Variants in KCNH1 observed in about 807,000 individuals in gnomAD.
The protein encoded by KCNH1 is potassium voltage-gated channel subfamily H member 1, also known as voltage-gated delayed rectifier potassium channel KCNH1.
In KCNH1, 27 loss-of-function variants were observed where a neutral mutation model predicts 69.2. That is an observed-to-expected ratio of 0.39 (90% CI 0.29 to 0.54). The LOEUF (loss-of-function observed/expected upper bound fraction) is 0.54. Ranked by LOEUF, KCNH1 falls within the 20% of genes least tolerant of loss-of-function variation. The pLI, the probability that KCNH1 is intolerant of heterozygous loss-of-function variation, is 0.68. For synonymous variants in KCNH1, 456 were observed against 487.7 expected (o/e 0.93, Z 0.86); for missense variants, 798 against 1,261.6 (o/e 0.63, Z 5.57).
chr1:210,975,523 G>A (rs139008462), intron 6 of KCNH1, among the ~76,000 whole-genome samples: 1,660 of 152,278 alleles, frequency 0.011, 35 homozygotes, highest in African/African-American at 0.038. Context: ...TTAATAAATG[G>A]TGATGGGGAA....
At chr1:210,707,706 A>G (rs1186882415) in intron 10 of KCNH1, among the ~76,000 whole-genome samples, 1 of 152,080 alleles carries the variant, frequency 6.6e-6, no homozygotes, top group Non-Finnish European at 1.5e-5. Context: ...CTGCAGGAGC[A>G]TTTTCTAAAA....
intron 10 of KCNH1, among the ~76,000 whole-genome samples, chr1:210,751,029 G>T (rs1235444458): frequency 6.6e-6 from 1 of 152,210 alleles, no homozygotes; most frequent in African/African-American, 2.4e-5. Flanking sequence ...TCCAGAGGAA[G>T]AATAATGGAC....
intron 6 of KCNH1, among the ~76,000 whole-genome samples, chr1:210,930,879 T>C (rs1687668071): frequency 6.6e-6 from 1 of 152,168 alleles, no homozygotes; most frequent in South Asian, 2.1e-4. Flanking sequence ...AGGACATGAA[T>C]AGACAATTCT....
At chr1:211,047,015 T>G (rs528751340) in intron 5 of KCNH1, among the ~76,000 whole-genome samples, 1 of 152,304 alleles carries the variant, frequency 6.6e-6, no homozygotes, top group South Asian at 2.1e-4. Flanking sequence ...ATCCAATAAT[T>G]TAATGTAATA....
intron 10 of KCNH1, among the ~76,000 whole-genome samples, chr1:210,764,941 A>G (rs924341203): frequency 5.9e-5 from 9 of 152,358 alleles, no homozygotes; most frequent in African/African-American, 2.2e-4. Context: ...TCACAATAGC[A>G]AAGACATGGA....
Position 210,953,200 on chromosome 1 carries a change from T to G in KCNH1, c.1033-33131A>C, listed in dbSNP as rs191824415. Among the ~76,000 whole-genome samples, 432 of 152,328 alleles carry G rather than the reference T, an allele frequency of 2.8e-3. 4 individuals are homozygous for G. Among genetic ancestry groups the G allele is most frequent in the Admixed American group, 0.025 (386 of 15,308 alleles). Reference sequence around the variant, plus strand: ...AAGGCTAAGCCCTCCAGCTCTGCTCTGGATTCCCTATCTTAAGGAACTCTA... The same window carrying G: ...AAGGCTAAGCCCTCCAGCTCTGCTCGGGATTCCCTATCTTAAGGAACTCTA... On this transcript the variant is annotated intron_variant, in intron 6 of 10. Coordinates refer to ENST00000271751, the MANE Select transcript of KCNH1 (RefSeq NM_172362.3).
At chr1:210,891,180 C>A (rs1319285682) in intron 7 of KCNH1, among the ~76,000 whole-genome samples, 1 of 152,126 alleles carries the variant, frequency 6.6e-6, no homozygotes, top group Admixed American at 6.6e-5. Context: ...GAAAATGTGG[C>A]ACATATACAC....
At chr1:210,946,632 C>G (rs1425602012) in intron 6 of KCNH1, among the ~76,000 whole-genome samples, 2 of 152,130 alleles carry the variant, frequency 1.3e-5, no homozygotes, top group African/African-American at 4.8e-5. Context: ...TATTCTACAC[C>G]TGCACTATTC....
In KCNH1 at chr1:211,079,325, A is replaced by G. The variant is rs139162482; in HGVS notation, c.558+3455T>C. ...GGATCTGAAATTGAGGCAATAATTAATAGCCTACCAACCAAAAAAACTCCA... is the reference window on the plus strand; with the variant it reads ...GGATCTGAAATTGAGGCAATAATTAGTAGCCTACCAACCAAAAAAACTCCA... On this transcript the variant is annotated intron_variant, in intron 5 of 10. Coordinates refer to ENST00000271751, the MANE Select transcript of KCNH1 (RefSeq NM_172362.3). 6.6e-3 allele frequency among the ~76,000 whole-genome samples: 999 copies of G among 152,332 alleles called. 5 individuals are homozygous for G. The highest frequency in any genetic ancestry group is 0.023 in the African/African-American group (949 of 41,580).
chr1:210,791,828 T>A (rs114610829), intron 9 of KCNH1, among the ~76,000 whole-genome samples: 136 of 152,176 alleles, frequency 8.9e-4, no homozygotes, highest in African/African-American at 3.1e-3. Context: ...CCAAATAAGG[T>A]CAATGAACAC....
intron 7 of KCNH1, chr1:210,859,093 A>T: frequency 1.2e-6 from 1 of 851,384 alleles, no homozygotes; most frequent in South Asian, 1.4e-5. Context: ...AGAATAGATA[A>T]CATGAACCAG....
At chr1:211,101,845 T>C (rs1309117844) in intron 3 of KCNH1, among the ~76,000 whole-genome samples, 2 of 152,222 alleles carry the variant, frequency 1.3e-5, no homozygotes, top group South Asian at 2.1e-4. Context: ...ACAAAGCTTA[T>C]TTTCTAAAGG....
intron 9 of KCNH1, among the ~76,000 whole-genome samples, chr1:210,784,756 C>T (rs1206207231): frequency 6.6e-6 from 1 of 152,116 alleles, no homozygotes; most frequent in Non-Finnish European, 1.5e-5. Context: ...TTATGCTCTT[C>T]TGCATACCAT....
At chr1:210,918,391 C>T (rs1687390628) in intron 7 of KCNH1, among the ~76,000 whole-genome samples, 1 of 152,224 alleles carries the variant, frequency 6.6e-6, no homozygotes, top group Admixed American at 6.5e-5. Context: ...CGTCTTCTCA[C>T]ATCTGAATTT....
chr1:210,689,671 A>G (rs2149004293), intron 10 of KCNH1, among the ~76,000 whole-genome samples: 1 of 152,326 alleles, frequency 6.6e-6, no homozygotes, highest in African/African-American at 2.4e-5. Flanking sequence ...CAGCAGTAGA[A>G]AGAGCACTGG....
chr1:211,035,106 A>T (rs1025088982), intron 5 of KCNH1, among the ~76,000 whole-genome samples: 12 of 152,128 alleles, frequency 7.9e-5, no homozygotes, highest in African/African-American at 2.9e-4. Context: ...TTCCTACAAC[A>T]TGTATTCAAA....
chr1:210,709,742 A>AAGAG (rs35326611), intron 10 of KCNH1, among the ~76,000 whole-genome samples: 2,641 of 144,838 alleles, frequency 0.018, 79 homozygotes, highest in Admixed American at 0.059. Context: ...GAGAGAGAGA[A>AAGAG]AGAGAGAGAG....
At chr1:211,116,716 G>C (rs1691590845) in intron 1 of KCNH1, among the ~76,000 whole-genome samples, 2 of 152,160 alleles carry the variant, frequency 1.3e-5, no homozygotes, top group Non-Finnish European at 2.9e-5. Flanking sequence ...GAGAGGGTTT[G>C]AGCAACTTGT....
At chr1:210,957,593 T>A (rs1180314226) in intron 6 of KCNH1, among the ~76,000 whole-genome samples, 1 of 152,192 alleles carries the variant, frequency 6.6e-6, no homozygotes. Context: ...TGAATCTGGG[T>A]GCTCCTGTAT....
Sources: gnomAD v4.1 joint callset for allele counts (sites outside exome capture counted in the v4.1 genomes callset) on GRCh38, gnomAD v4.1.1 for gene constraint, MANE v1.5 for transcripts, NCBI Gene and HGNC (gene_info 2026-07-23, HGNC 2026-07-21) for gene names.